Variants in SERPINB11 observed in about 807,000 individuals in gnomAD.
SERPINB11 encodes serpin family B member 11, also known as serpin B11.
SERPINB11 carries 32 observed loss-of-function variants against 36.7 expected under a neutral mutation model. That is an observed-to-expected ratio of 0.87 (90% CI 0.66 to 1.17). SERPINB11 has a LOEUF of 1.17. SERPINB11 is among the 50% of genes most tolerant of loss of function. The probability of loss-of-function intolerance (pLI) is 0.00; values close to 1 mark genes in which losing one functional copy is unlikely to be tolerated. For missense variants in SERPINB11, 528 were observed against 458.4 expected (o/e 1.15, Z -1.39); for synonymous variants, 174 against 168.1 (o/e 1.04, Z -0.27).
chr18:63,717,857 T>G (rs995052228), intron 5 of SERPINB11, among the ~76,000 whole-genome samples: 1 of 152,044 alleles, frequency 6.6e-6, no homozygotes, highest in African/African-American at 2.4e-5. Context: ...ATCTTTTCCT[T>G]TATAGTTAGT....
intron 2 of SERPINB11, 110 bp downstream of exon 2, chr18:63,710,471 G>C: frequency 1.3e-6 from 1 of 785,126 alleles, no homozygotes; most frequent in South Asian, 2.4e-5. Flanking sequence ...CATCTTGAGA[G>C]AGAAAAAACA....
chr18:63,717,422 T>C (rs960135055), intron 5 of SERPINB11, among the ~76,000 whole-genome samples: 1 of 152,046 alleles, frequency 6.6e-6, no homozygotes, highest in Non-Finnish European at 1.5e-5. Flanking sequence ...ATAAGGCATA[T>C]ATACATTCAA....
chr18:63,706,762 A>G (rs1424185336), intron 1 of SERPINB11, among the ~76,000 whole-genome samples: 2 of 152,222 alleles, frequency 1.3e-5, no homozygotes, highest in Non-Finnish European at 2.9e-5. Flanking sequence ...TTTCTCATGA[A>G]AAGAAATCTC....
At chr18:63,708,744 A>T (rs569545063) in intron 1 of SERPINB11, among the ~76,000 whole-genome samples, 36 of 152,302 alleles carry the variant, frequency 2.4e-4, no homozygotes, top group Middle Eastern at 3.4e-3. Context: ...TAAATGTGGG[A>T]GCTAATAGCA....
At chr18:63,718,856 AT>A (rs5825524) in intron 5 of SERPINB11, among the ~76,000 whole-genome samples, 36 of 151,144 alleles carry the variant, frequency 2.4e-4, no homozygotes, top group Admixed American at 6.6e-4. Flanking sequence ...TGAAAGGTGT[AT>A]TTTTTTTTCA....
Position 63,720,406 on chromosome 18 carries a change from G to A in SERPINB11, c.618+251G>A, listed in dbSNP as rs951115412. ...GGAGAAAACCCATTCTTTTCTTAAT[G>A]CTCTCTTGGCTTATTCTTTCCATAT... On this transcript the variant is annotated intron_variant, in intron 6 of 7. Transcript: ENST00000544088. The A allele has an allele frequency of 1.2e-4, 54 of 461,894 alleles. 1 individual carries two copies. In the South Asian group the frequency reaches 1.3e-3, roughly 11 times the overall value. The allele number at this position is 461,894 out of a possible 1,614,324, so 28.6% of individuals were successfully genotyped here.
intron 1 of SERPINB11, among the ~76,000 whole-genome samples, chr18:63,708,285 C>T (rs1581426): frequency 0.37 from 56,495 of 151,904 alleles, 11,358 homozygotes; most frequent in East Asian, 0.61. Flanking sequence ...AGTACCTAAC[C>T]AACTGATATT....
Position 63,712,651 on chromosome 18 carries a change from T to G in SERPINB11, c.315T>G (p.Ile105Met), listed in dbSNP as rs1256779609. The G allele has an allele frequency of 6.2e-7, 1 of 1,613,878 alleles. No homozygotes were observed. Among genetic ancestry groups the G allele is most frequent in the Admixed American group, 1.7e-5 (1 of 60,026 alleles). ...NQPDSNCTLS[I>M]ANRLYGTKTM... ...CAGACTCTAACTGTACCCTCAGCATTGCCAACAGGCTCTACGGGACAAAGA... is the reference window on the plus strand; with the variant it reads ...CAGACTCTAACTGTACCCTCAGCATGGCCAACAGGCTCTACGGGACAAAGA... The change falls in exon 4 of 8, where the codon ATT (isoleucine) becomes ATG (methionine). Residue 105 changes from isoleucine to methionine, a missense_variant. By Grantham distance (10) the Ile-to-Met change is conservative. Coordinates refer to ENST00000544088, the MANE Select transcript of SERPINB11 (RefSeq NM_001370475.1).
rs1598971200 is a variant in SERPINB11 at position 63,723,503 on chromosome 18, C to A, written c.*104C>A. 1.9e-6 allele frequency: 2 copies of A among 1,077,034 alleles called. No individual in the cohort carries two copies. Among genetic ancestry groups the A allele is most frequent in the Non-Finnish European group, 2.7e-6 (2 of 748,288 alleles). The allele number at this position is 1,077,034 out of a possible 1,614,324, so 66.7% of individuals were successfully genotyped here. A position where few individuals can be genotyped will look rare whatever the true frequency, so the allele number is the denominator to read the frequency against. ...TGTTCACACCTCACACACCTCTGTG[C>A]CTCAGTTTGCTCATCTGCAAAATAG... On this transcript the variant is annotated 3_prime_UTR_variant, in exon 8 of 8. Coordinates refer to ENST00000544088, the MANE Select transcript of SERPINB11 (RefSeq NM_001370475.1).
chr18:63,703,429 G>C (rs191968160), intron 1 of SERPINB11, among the ~76,000 whole-genome samples: 1 of 152,188 alleles, frequency 6.6e-6, no homozygotes, highest in African/African-American at 2.4e-5. Flanking sequence ...TTCTTTTTCT[G>C]CCTCTCAGTT....
chr18:63,704,435 T>C (rs1215189992), intron 1 of SERPINB11, among the ~76,000 whole-genome samples: 1 of 152,212 alleles, frequency 6.6e-6, no homozygotes, highest in Non-Finnish European at 1.5e-5. Context: ...GGAAAATGAA[T>C]GAGGAAAGCC....
chr18:63,723,331 T>A lies in SERPINB11; in HGVS notation c.1111T>A (p.Phe371Ile). Residue 371 changes from phenylalanine (F) to isoleucine (I), a missense_variant, in exon 8 of 8, where the codon TTC (phenylalanine) becomes ATC (isoleucine). Transcript: ENST00000544088. ...MRAQFKANHPFLFFIRHTHTN... is the reference protein window; with the variant it reads ...MRAQFKANHPILFFIRHTHTN... ...AGCTCAGTTCAAGGCGAACCACCCC[T>A]TCCTTTTCTTTATAAGGCACACTCA... The A allele has an allele frequency of 6.2e-7, 1 of 1,613,912 alleles. No homozygotes were observed. The highest frequency in any genetic ancestry group is 8.5e-7 in the Non-Finnish European group (1 of 1,179,838).
chr18:63,710,439 A>G, intron 2 of SERPINB11, 78 bp downstream of exon 2: 1 of 1,187,278 alleles, frequency 8.4e-7, no homozygotes. Context: ...AATTAATTCT[A>G]TCTTTATACC....
At chr18:63,710,080 T>C in intron 1 of SERPINB11, 99 bp from the exon 2 acceptor site, 1 of 898,018 alleles carries the variant, frequency 1.1e-6, no homozygotes, top group Non-Finnish European at 1.6e-6. Context: ...TGAAGCAGTG[T>C]GCCCTGATAC....
rs540642820 is a variant in SERPINB11, at chr18:63,719,747, G to A, written c.476-266G>A. 1.8e-4 allele frequency among the ~76,000 whole-genome samples: 27 copies of A among 152,104 alleles called. No individual in the cohort carries two copies. The South Asian group carries it at 5.4e-3, about 30-fold the overall frequency. ...ATAAGAAATTACTCGATGTAACTAG[G>A]CATAAGACAAATTGATCCATCACGA... On this transcript the variant is annotated intron_variant, in intron 5 of 7. Coordinates refer to ENST00000544088, the MANE Select transcript of SERPINB11 (RefSeq NM_001370475.1).
intron 1 of SERPINB11, among the ~76,000 whole-genome samples, chr18:63,707,302 G>T (rs1914397034): frequency 6.6e-6 from 1 of 152,160 alleles, no homozygotes; most frequent in African/African-American, 2.4e-5. Flanking sequence ...GAGAGATTTA[G>T]AAATTGATTA....
chr18:63,709,171 T>C (rs1157889515), intron 1 of SERPINB11, among the ~76,000 whole-genome samples: 1 of 152,228 alleles, frequency 6.6e-6, no homozygotes, highest in Non-Finnish European at 1.5e-5. Context: ...TCTTGGATTT[T>C]CCTTTTCCAT....
At chr18:63,718,896 G>A (rs1914734967) in intron 5 of SERPINB11, among the ~76,000 whole-genome samples, 1 of 151,896 alleles carries the variant, frequency 6.6e-6, no homozygotes, top group Non-Finnish European at 1.5e-5. Flanking sequence ...GCACAGTGGT[G>A]TAAAAATATG....
chr18:63,713,975 C>A (rs939819135), intron 4 of SERPINB11, among the ~76,000 whole-genome samples: 1 of 152,156 alleles, frequency 6.6e-6, no homozygotes, highest in African/African-American at 2.4e-5. Context: ...TTGTTTCAAC[C>A]ACAATTGGAT....
Sources: allele counts gnomAD v4.1 joint callset (sites outside exome capture counted in the v4.1 genomes callset), GRCh38; gene constraint gnomAD v4.1.1; transcripts MANE v1.5; gene names NCBI Gene and HGNC (gene_info 2026-07-23, HGNC 2026-07-21).